The following AKAP19 variants were observed in gnomAD, a reference collection of about 807,000 sequenced individuals.
The protein encoded by AKAP19 is small A-kinase anchoring protein.
chr2:190,118,983 C>T, the AKAP19 span, among the ~76,000 whole-genome samples: 1,342 of 152,220 alleles, frequency 8.8e-3, 12 homozygotes, highest in Non-Finnish European at 0.016. Context: ...TGTCTCAGCC[C>T]GAAATCTCCT....
chr2:190,043,158 T>C, the AKAP19 span, among the ~76,000 whole-genome samples: 4 of 152,174 alleles, frequency 2.6e-5, no homozygotes, highest in Non-Finnish European at 5.9e-5. Context: ...GAAAATCTGA[T>C]GATTATGTGT....
At chr2:190,138,907 C>T in the AKAP19 span, among the ~76,000 whole-genome samples, 2 of 152,166 alleles carry the variant, frequency 1.3e-5, no homozygotes, top group African/African-American at 4.8e-5. Flanking sequence ...GGATGTTAAC[C>T]TTTATGAGCC....
the AKAP19 span, among the ~76,000 whole-genome samples, chr2:189,973,025 T>G: frequency 6.6e-6 from 1 of 152,208 alleles, no homozygotes; most frequent in African/African-American, 2.4e-5. Flanking sequence ...CTATGTTGAA[T>G]AGGAGTGGTG....
At chr2:189,901,574 G>C in the AKAP19 span, among the ~76,000 whole-genome samples, 7 of 152,162 alleles carry the variant, frequency 4.6e-5, no homozygotes, top group Non-Finnish European at 1.0e-4. Flanking sequence ...CTGGCCTCAA[G>C]TGATCTGCCC....
chr2:190,197,568 G>A, the AKAP19 span, among the ~76,000 whole-genome samples: 1 of 152,096 alleles, frequency 6.6e-6, no homozygotes, highest in African/African-American at 2.4e-5. This position sits in a 1 kb window ranked among gnomAD's most constrained non-coding sequence, Gnocchi z 4.0. Context: ...CATCAGAGTT[G>A]CCACTCTCTG....
At chr2:190,080,925 C>G in the AKAP19 span, among the ~76,000 whole-genome samples, 1 of 152,162 alleles carries the variant, frequency 6.6e-6, no homozygotes, top group Admixed American at 6.5e-5. Context: ...TGATGACAAT[C>G]TAGCCTGGCT....
chr2:189,964,294 T>C, the AKAP19 span, among the ~76,000 whole-genome samples: 4 of 152,182 alleles, frequency 2.6e-5, no homozygotes, highest in African/African-American at 4.8e-5. Context: ...TAACCCATGC[T>C]CTAAACAGAT....
chr2:190,083,959 A>T, the AKAP19 span, among the ~76,000 whole-genome samples: 1 of 151,914 alleles, frequency 6.6e-6, no homozygotes, highest in Non-Finnish European at 1.5e-5. Flanking sequence ...GAGACTCCGA[A>T]GCCTATTTTC....
chr2:189,961,639 A>G, the AKAP19 span, among the ~76,000 whole-genome samples: 2 of 152,068 alleles, frequency 1.3e-5, no homozygotes, highest in South Asian at 2.1e-4. Context: ...TCGGCTGGGC[A>G]TGGTGGCTCA....
chr2:190,038,882 T>TTC, the AKAP19 span, among the ~76,000 whole-genome samples: 5 of 68,450 alleles, frequency 7.3e-5, no homozygotes, highest in Non-Finnish European at 1.5e-4. Flanking sequence ...TCCTCCCTCT[T>TTC]TCTTTCTTTC....
the AKAP19 span, among the ~76,000 whole-genome samples, chr2:190,032,132 G>C: frequency 6.6e-6 from 1 of 151,920 alleles, no homozygotes. Flanking sequence ...TTCTTCCACT[G>C]TCTATAGTTT....
chr2:190,096,175 G>A, the AKAP19 span, among the ~76,000 whole-genome samples: 4 of 152,180 alleles, frequency 2.6e-5, no homozygotes, highest in Non-Finnish European at 5.9e-5. Context: ...TGGTTGGGCT[G>A]CAAAATGGCT....
chr2:189,961,569 A>G, the AKAP19 span, among the ~76,000 whole-genome samples: 1 of 152,142 alleles, frequency 6.6e-6, no homozygotes, highest in Non-Finnish European at 1.5e-5. Flanking sequence ...GGTTTAATTT[A>G]CCTCATAAGT....
the AKAP19 span, among the ~76,000 whole-genome samples, chr2:190,095,079 C>T: frequency 1.1e-4 from 16 of 152,122 alleles, no homozygotes; most frequent in South Asian, 4.2e-4. Flanking sequence ...AAAAATTAGC[C>T]GGGTGTAGTG....
At chr2:190,179,709 A>G in the AKAP19 span, among the ~76,000 whole-genome samples, 2 of 152,198 alleles carry the variant, frequency 1.3e-5, no homozygotes, top group African/African-American at 4.8e-5. The surrounding 1 kb of genome is among the most constrained non-coding windows in gnomAD (Gnocchi z 6.0). Flanking sequence ...TCAAAGAGCT[A>G]AGTCTCAGTT....
the AKAP19 span, among the ~76,000 whole-genome samples, chr2:189,937,900 A>G: frequency 1.3e-5 from 2 of 152,208 alleles, no homozygotes; most frequent in African/African-American, 4.8e-5. Flanking sequence ...CAGCAATTCC[A>G]CTGCTCTCTG....
chr2:190,185,539 C>A, the AKAP19 span, among the ~76,000 whole-genome samples: 1 of 152,164 alleles, frequency 6.6e-6, no homozygotes, highest in Non-Finnish European at 1.5e-5. Flanking sequence ...GGAATTGCTG[C>A]AGATTGAAGG....
chr2:189,908,684 ATTTCTAGT>A, the AKAP19 span, among the ~76,000 whole-genome samples: 1 of 152,080 alleles, frequency 6.6e-6, no homozygotes, highest in Non-Finnish European at 1.5e-5. Flanking sequence ...CCAGTTATTG[ATTTCTAGT>A]TTCATACAAT....
At chr2:189,937,486 C>T in the AKAP19 span, among the ~76,000 whole-genome samples, 1 of 151,736 alleles carries the variant, frequency 6.6e-6, no homozygotes, top group African/African-American at 2.4e-5. Context: ...AGCAATATCC[C>T]AGCACTCAAA....
Sources: allele counts gnomAD v4.1 joint callset (sites outside exome capture counted in the v4.1 genomes callset), GRCh38; gene constraint gnomAD v4.1.1; non-coding constraint Gnocchi (gnomAD v3.1); transcripts MANE v1.5; gene names NCBI Gene and HGNC (gene_info 2026-07-23, HGNC 2026-07-21).